Variants in GABRB1 observed in about 807,000 individuals in gnomAD.
GABRB1 encodes gamma-aminobutyric acid type A receptor subunit beta1.
Under a neutral mutation model 51.6 loss-of-function variants are expected in GABRB1, and 17 were observed. The observed-to-expected ratio is 0.33, with a 90% confidence interval of 0.23 to 0.49. The LOEUF is 0.49. Ranked by LOEUF, GABRB1 falls within the 20% of genes least tolerant of loss-of-function variation. GABRB1 has a pLI of 0.99. For synonymous variants in GABRB1, 247 were observed against 218.9 expected (o/e 1.13, Z -1.14); for missense variants, 410 against 600.6 (o/e 0.68, Z 3.32).
intron 4 of GABRB1, among the ~76,000 whole-genome samples, chr4:47,243,042 C>A (rs1286205060): frequency 1.3e-5 from 2 of 152,036 alleles, no homozygotes; most frequent in Admixed American, 6.6e-5. Context: ...GTCTTTAATC[C>A]ATCTTGAATT....
chr4:47,286,578 T>C (rs745433907), intron 4 of GABRB1, among the ~76,000 whole-genome samples: 1 of 119,080 alleles, frequency 8.4e-6, no homozygotes, highest in African/African-American at 3.6e-5. Context: ...TATTCAACTG[T>C]GCTAAAAAGA....
intron 4 of GABRB1, among the ~76,000 whole-genome samples, chr4:47,311,411 C>CAAAA (rs71276540): frequency 1.3e-4 from 6 of 46,172 alleles, no homozygotes; most frequent in Admixed American, 2.1e-4. Flanking sequence ...GACTCTGTCT[C>CAAAA]AAAAAAAAAA....
intron 4 of GABRB1, among the ~76,000 whole-genome samples, chr4:47,271,130 C>A (rs1251139326): frequency 1.3e-5 from 2 of 152,016 alleles, no homozygotes; most frequent in African/African-American, 4.8e-5. Context: ...ATAGAAAATG[C>A]AGGAAAATGT....
At chr4:47,179,987 C>T (rs561914107) in intron 4 of GABRB1, among the ~76,000 whole-genome samples, 1 of 152,230 alleles carries the variant, frequency 6.6e-6, no homozygotes, top group Non-Finnish European at 1.5e-5. Context: ...AGTAGAATTG[C>T]TTGAGCACAT....
At chr4:47,036,078 T>C (rs1725544121) in intron 3 of GABRB1, among the ~76,000 whole-genome samples, 1 of 152,200 alleles carries the variant, frequency 6.6e-6, no homozygotes, top group African/African-American at 2.4e-5. Context: ...ATAGCTATCA[T>C]GGATTCATTG....
intron 8 of GABRB1, among the ~76,000 whole-genome samples, chr4:47,413,350 T>C (rs1156399219): frequency 6.6e-6 from 1 of 152,212 alleles, no homozygotes; most frequent in Admixed American, 6.5e-5. Context: ...TGCTTAGGTT[T>C]GGTAGTTCCT....
intron 3 of GABRB1, among the ~76,000 whole-genome samples, chr4:47,119,829 A>G (rs1715686738): frequency 6.6e-6 from 1 of 152,110 alleles, no homozygotes; most frequent in Non-Finnish European, 1.5e-5. Flanking sequence ...GTGTATAAAC[A>G]CACAGTATTA....
At chr4:47,328,921 A>G (rs555498356) in intron 5 of GABRB1, among the ~76,000 whole-genome samples, 2 of 152,036 alleles carry the variant, frequency 1.3e-5, no homozygotes, top group African/African-American at 4.8e-5. Flanking sequence ...GTATAATAAA[A>G]AAAAAAAAAG....
chr4:47,366,037 T>C (rs1413536975), intron 5 of GABRB1, among the ~76,000 whole-genome samples: 2 of 152,186 alleles, frequency 1.3e-5, no homozygotes, highest in South Asian at 2.1e-4. Flanking sequence ...ATTGACACAG[T>C]AGGTAAAAGT....
chr4:47,312,153 A>T (rs1486357563), intron 4 of GABRB1, among the ~76,000 whole-genome samples: 2 of 152,044 alleles, frequency 1.3e-5, no homozygotes, highest in African/African-American at 4.8e-5. Context: ...CACCGCAAAA[A>T]TTTTAAAATT....
At chr4:47,341,535 A>G (rs1019927448) in intron 5 of GABRB1, among the ~76,000 whole-genome samples, 2 of 152,338 alleles carry the variant, frequency 1.3e-5, no homozygotes, top group African/African-American at 4.8e-5. Flanking sequence ...TAGTTAATGA[A>G]CAATGGTGGT....
intron 3 of GABRB1, among the ~76,000 whole-genome samples, chr4:47,110,737 C>G (rs1216829750): frequency 6.6e-6 from 1 of 152,068 alleles, no homozygotes; most frequent in African/African-American, 2.4e-5. Flanking sequence ...TATTGATAGG[C>G]TGATGGTTCA....
At chr4:47,399,512 T>C (rs1396229608) in intron 5 of GABRB1, among the ~76,000 whole-genome samples, 1 of 151,382 alleles carries the variant, frequency 6.6e-6, no homozygotes, top group Non-Finnish European at 1.5e-5. Flanking sequence ...ACCCATTTCA[T>C]CCACATTTTC....
intron 3 of GABRB1, among the ~76,000 whole-genome samples, chr4:47,040,356 G>A (rs1013895926): frequency 6.6e-6 from 1 of 152,150 alleles, no homozygotes; most frequent in Non-Finnish European, 1.5e-5. Flanking sequence ...CAGATGAGAG[G>A]TGATAGATGC....
intron 5 of GABRB1, among the ~76,000 whole-genome samples, chr4:47,359,824 G>A (rs139734851): frequency 2.3e-3 from 351 of 152,058 alleles, no homozygotes; most frequent in African/African-American, 8.2e-3. Flanking sequence ...AAAAACTGAG[G>A]GTAATTTGTG....
At chr4:47,328,431 T>A (rs1300663829) in intron 5 of GABRB1, among the ~76,000 whole-genome samples, 1 of 152,174 alleles carries the variant, frequency 6.6e-6, no homozygotes, top group East Asian at 1.9e-4. Context: ...TCTTCTAGGG[T>A]TTTATAAATC....
chr4:47,195,456 T>TGA (rs374834648), intron 4 of GABRB1, among the ~76,000 whole-genome samples: 4 of 89,658 alleles, frequency 4.5e-5, no homozygotes, highest in Non-Finnish European at 2.4e-5. Context: ...GATAGATAGA[T>TGA]TAGATGATAG....
intron 5 of GABRB1, among the ~76,000 whole-genome samples, chr4:47,376,503 C>T (rs895942220): frequency 1.3e-5 from 2 of 152,110 alleles, no homozygotes; most frequent in East Asian, 1.9e-4. Context: ...AAAAATTAGC[C>T]GGGCCTAGTG....
chr4:47,336,139 C>A (rs193289394), intron 5 of GABRB1, among the ~76,000 whole-genome samples: 10 of 152,258 alleles, frequency 6.6e-5, no homozygotes, highest in African/African-American at 2.4e-4. Context: ...AAATTTATAT[C>A]ATCAATTAGA....
Sources: allele counts gnomAD v4.1 joint callset (sites outside exome capture counted in the v4.1 genomes callset), GRCh38; gene constraint gnomAD v4.1.1; transcripts MANE v1.5; gene names NCBI Gene and HGNC (gene_info 2026-07-23, HGNC 2026-07-21).